The following CKAP5 variants were observed in gnomAD, a reference collection of about 807,000 sequenced individuals.
CKAP5 encodes the protein cytoskeleton-associated protein 5.
A neutral mutation model predicts 232.8 loss-of-function variants in CKAP5; 27 were observed. That is an observed-to-expected ratio of 0.12 (90% CI 0.09 to 0.16). The LOEUF (loss-of-function observed/expected upper bound fraction) is 0.16, where lower values mean the gene tolerates loss of function less well. Among genes scored for constraint, CKAP5 ranks in the 10% least tolerant of loss-of-function variants. The pLI, the probability that CKAP5 is intolerant of heterozygous loss-of-function variation, is 1.00. For missense variants in CKAP5, 1,838 were observed against 2,424.7 expected, an observed-to-expected ratio of 0.76 and a Z score of 5.08; for synonymous variants, 785 against 841.1, an observed-to-expected ratio of 0.93 and a Z score of 1.16.
In CKAP5 at chr11:46,831,861, C is replaced by CTTT. The variant is rs71042624; in HGVS notation, c.-37-10596_-37-10594dup. 4.5e-4 allele frequency among the ~76,000 whole-genome samples: 54 copies of CTTT among 119,028 alleles called. 1 individual carries two copies. Among genetic ancestry groups the CTTT allele is most frequent in the African/African-American group, 1.0e-3 (31 of 30,264 alleles). The allele number at this position is 119,028 out of a possible 152,430, so 78.1% of individuals were successfully genotyped here. A position where few individuals can be genotyped will look rare whatever the true frequency, so the allele number is the denominator to read the frequency against. ...GTCTTAAATATACAATAAACTTATC[C>CTTT]TTTTTTTTTTTTTTTTTTTCTGAGA... is the stretch of plus-strand genomic sequence containing the variant. On this transcript the variant is annotated intron_variant, in intron 1 of 43. Transcript: ENST00000529230.
At chr11:46,789,000 T>C (rs1354878736) in intron 15 of CKAP5, among the ~76,000 whole-genome samples, 1 of 152,252 alleles carries the variant, frequency 6.6e-6, no homozygotes, top group Non-Finnish European at 1.5e-5. Flanking sequence ...ATATGGCTGT[T>C]AAATTAGTAT....
chr11:46,762,087 A>G lies in CKAP5; in HGVS notation c.4134T>C (p.Arg1378=). Residue 1378 remains arginine, a synonymous_variant, in exon 32 of 44, where the codon CGT becomes CGC. Coordinates refer to ENST00000529230, the MANE Select transcript of CKAP5 (RefSeq NM_001008938.4). Reference sequence around the variant, plus strand: ...GTGCAGCATTGCGTACAGCATTGTCACGGTCTCCTATGTGAACAGCTATTT... The same window carrying G: ...GTGCAGCATTGCGTACAGCATTGTCGCGGTCTCCTATGTGAACAGCTATTT... ...LKEIAVHIGD[R]DNAVRNAALN... The G allele has an allele frequency of 6.2e-7, 1 of 1,614,148 alleles. No homozygotes were observed.
At chr11:46,770,440 T>C (rs1169384161) in intron 25 of CKAP5, among the ~76,000 whole-genome samples, 2 of 152,212 alleles carry the variant, frequency 1.3e-5, no homozygotes, top group African/African-American at 4.8e-5. Flanking sequence ...TTAATATATA[T>C]ATATTTTTAA....
chr11:46,776,465 G>T (rs2134616628), intron 23 of CKAP5, 82 bp from the exon 24 acceptor site: 1 of 1,138,618 alleles, frequency 8.8e-7, no homozygotes, highest in South Asian at 2.0e-5. Flanking sequence ...TTATGAACAT[G>T]AACAATGGAG....
intron 16 of CKAP5, among the ~76,000 whole-genome samples, chr11:46,786,673 C>A (rs899480779): frequency 2.0e-5 from 3 of 152,080 alleles, no homozygotes; most frequent in African/African-American, 7.2e-5. Flanking sequence ...GAAGGTCATG[C>A]GAATATTCAA....
intron 4 of CKAP5, 43 bp downstream of exon 4, chr11:46,816,155 G>A (rs1939394509): frequency 1.3e-6 from 2 of 1,516,196 alleles, no homozygotes; most frequent in East Asian, 2.3e-5. Flanking sequence ...CAAAAAGGTT[G>A]GGGACTGCTG....
intron 13 of CKAP5, among the ~76,000 whole-genome samples, chr11:46,794,321 G>A (rs935685567): frequency 3.9e-5 from 6 of 152,096 alleles, no homozygotes; most frequent in Admixed American, 3.3e-4. Context: ...AAAATCAGCT[G>A]TGTGTGGTGG....
Position 46,765,191 on chromosome 11 carries a change from A to T in CKAP5, c.3477T>A (p.Pro1159=). 6.2e-7 allele frequency: 1 copy of T among 1,613,188 alleles called. No homozygotes were observed. The change falls in exon 28 of 44, where the codon CCT becomes CCA. Residue 1159 remains proline, a synonymous_variant. Transcript: ENST00000529230. The part of the protein sequence containing the change: ...SLKEDEDKSG[P]IFIVVPNGKE... The stretch of plus-strand genomic sequence containing the variant: ...TTCCATTTGGAACAACAATAAAAAT[A>T]GGCCCGGATTTGTCTTCATCCTCCT...
intron 33 of CKAP5, 121 bp from the exon 34 acceptor site, chr11:46,759,563 C>A: frequency 1.0e-6 from 1 of 985,650 alleles, no homozygotes; most frequent in East Asian, 2.6e-5. Context: ...TTCAGCCCCC[C>A]TGAATGATTT....
chr11:46,796,986 A>G, intron 11 of CKAP5, 46 bp from the exon 12 acceptor site: 1 of 1,603,078 alleles, frequency 6.2e-7, no homozygotes, highest in Non-Finnish European at 8.5e-7. Context: ...AAGGTATTTT[A>G]GGCATTACTC....
At chr11:46,782,833 TG>T (rs2065355510) in intron 18 of CKAP5, among the ~76,000 whole-genome samples, 1 of 152,270 alleles carries the variant, frequency 6.6e-6, no homozygotes, top group Non-Finnish European at 1.5e-5. Context: ...TATAAAGTTT[TG>T]TTTTAAATAA....
In CKAP5 at chr11:46,801,179, CT is replaced by C. The variant is rs748148340; in HGVS notation, c.1083+20del. On this transcript the variant is annotated intron_variant, in intron 9 of 43. Transcript: ENST00000529230. ...TTTGATAAATTTTGTTGATCTGTAT[CT>C]AAAAAGGAGTGTTACTTACATGTCC... The C allele has an allele frequency of 7.1e-6, 11 of 1,557,406 alleles. No homozygotes were observed. The African/African-American group carries it at 1.4e-4, about 19-fold the overall frequency.
chr11:46,803,939 T>A (rs1426064710), intron 8 of CKAP5, among the ~76,000 whole-genome samples: 1 of 152,240 alleles, frequency 6.6e-6, no homozygotes, highest in East Asian at 1.9e-4. Context: ...ATATATATTC[T>A]AGGAATGGAC....
rs1939587207 is a variant in CKAP5 at position 46,823,378 on chromosome 11, A to G, written c.-37-2110T>C. 2.6e-5 allele frequency among the ~76,000 whole-genome samples: 4 copies of G among 152,222 alleles called. No individual in the cohort carries two copies. In the South Asian group the frequency reaches 8.3e-4, roughly 31 times the overall value. ...CCACCTAATAACCATGATGAACACT[A>G]AAGTACGTATCCAGTTTTTTTTCAA... is the stretch of plus-strand genomic sequence containing the variant. On this transcript the variant is annotated intron_variant, in intron 1 of 43. Transcript: ENST00000529230.
chr11:46,770,721 G>T, intron 25 of CKAP5, 67 bp downstream of exon 25: 1 of 1,454,288 alleles, frequency 6.9e-7, no homozygotes, highest in Non-Finnish European at 9.5e-7. Context: ...GAGCCACCGT[G>T]CCAGGCCCAT....
intron 4 of CKAP5, among the ~76,000 whole-genome samples, chr11:46,811,538 A>T (rs1393178628): frequency 1.3e-5 from 2 of 152,072 alleles, no homozygotes; most frequent in African/African-American, 4.8e-5. Context: ...GTGGTATGGC[A>T]TGATTGCAGC....
chr11:46,802,549 G>GACAC (rs761221755), intron 8 of CKAP5, among the ~76,000 whole-genome samples: 2,253 of 122,142 alleles, frequency 0.018, 25 homozygotes, highest in Middle Eastern at 0.052. Flanking sequence ...CAGACAGACA[G>GACAC]ACAGACAGAC....
chr11:46,796,855 ACTG>A lies in CKAP5; in HGVS notation c.1421_1423del (p.Ala474del). 1 of 1,614,118 alleles carries A rather than the reference ACTG, an allele frequency of 6.2e-7. No homozygotes were observed. Among genetic ancestry groups the A allele is most frequent in the South Asian group, 1.1e-5 (1 of 91,080 alleles). On this transcript the variant is annotated inframe_deletion, in exon 12 of 44. Transcript: ENST00000529230. ...GTCCACATCAGCTAGGAATGGGTTT[ACTG>A]CTTTCTCGCCAACCACCTTCAAAGC... is the stretch of plus-strand genomic sequence containing the variant.
Position 46,744,263 on chromosome 11 carries a change from T to C in CKAP5, c.5859A>G (p.Gln1953=). The C allele has an allele frequency of 6.2e-7, 1 of 1,614,104 alleles. No homozygotes were observed. Among genetic ancestry groups the C allele is most frequent in the Non-Finnish European group, 8.5e-7 (1 of 1,180,006 alleles). The change falls in exon 44 of 44, where the codon CAA becomes CAG. Residue 1953 remains glutamine (Q), a splice_region_variant and synonymous_variant. Transcript: ENST00000529230. ...AAGAGGTCAAAGGAGGTCGGTCATC[T>C]TGCTATTGAGAGAAGGAGAGAGATT... ...RQRCGLDNTK[Q]DDRPPLTSLL...
Sources: gnomAD v4.1 joint callset for allele counts (sites outside exome capture counted in the v4.1 genomes callset) on GRCh38, gnomAD v4.1.1 for gene constraint, MANE v1.5 for transcripts, NCBI Gene and HGNC (gene_info 2026-07-23, HGNC 2026-07-21) for gene names.